The following PRICKLE2 variants were observed in gnomAD, a reference collection of about 807,000 sequenced individuals.
PRICKLE2 encodes prickle-like protein 2.
PRICKLE2 carries 21 observed loss-of-function variants against 81.4 expected under a neutral mutation model. The observed-to-expected ratio is 0.26, with a 90% CI of 0.18 to 0.37. The LOEUF is 0.37. Ranked by LOEUF, PRICKLE2 falls within the 10% of genes least tolerant of loss-of-function variation. The pLI is 1.00. For missense variants in PRICKLE2, 940 were observed against 1,109.0 expected (o/e 0.85, Z 2.16); for synonymous variants, 456 against 421.5 (o/e 1.08, Z -1.00).
chr3:64,171,059 C>T (rs1223073297), intron 2 of PRICKLE2, among the ~76,000 whole-genome samples: 6 of 152,116 alleles, frequency 3.9e-5, no homozygotes, highest in Non-Finnish European at 8.8e-5. Context: ...AGGTCTTGTG[C>T]TCACAATGAC....
chr3:64,216,420 C>A (rs997836435), intron 1 of PRICKLE2, among the ~76,000 whole-genome samples: 6 of 152,204 alleles, frequency 3.9e-5, no homozygotes. Flanking sequence ...TGGTTAAGTG[C>A]AAAAGACCGG....
intron 2 of PRICKLE2, chr3:64,174,846 G>T: frequency 9.4e-6 from 2 of 212,882 alleles, no homozygotes; most frequent in South Asian, 1.8e-4. Context: ...TGGGCCACAT[G>T]AACATCACAC....
intron 6 of PRICKLE2, among the ~76,000 whole-genome samples, chr3:64,151,088 C>T (rs573669125): frequency 4.7e-4 from 71 of 152,288 alleles, no homozygotes; most frequent in African/African-American, 1.6e-3. Context: ...GCAAAAGTAC[C>T]GTTGCCCTAG....
intron 2 of PRICKLE2, among the ~76,000 whole-genome samples, chr3:64,166,161 T>C (rs2077829602): frequency 6.6e-6 from 1 of 152,194 alleles, no homozygotes; most frequent in Admixed American, 6.5e-5. Flanking sequence ...CTTCTCTTCC[T>C]GCAGATCTGC....
At chr3:64,128,805 A>G (rs1575569771) in intron 7 of PRICKLE2, among the ~76,000 whole-genome samples, 1 of 152,144 alleles carries the variant, frequency 6.6e-6, no homozygotes, top group Non-Finnish European at 1.5e-5. Context: ...TTTTAAAAGA[A>G]AAAAAAGTGT....
intron 2 of PRICKLE2, among the ~76,000 whole-genome samples, chr3:64,267,415 G>T (rs1211800883): frequency 2.0e-5 from 3 of 151,016 alleles, no homozygotes; most frequent in Non-Finnish European, 3.0e-5. Flanking sequence ...GGGGATATAA[G>T]CTCAAAATAT....
chr3:64,179,645 C>T (rs576862528), intron 2 of PRICKLE2, among the ~76,000 whole-genome samples: 1 of 152,226 alleles, frequency 6.6e-6, no homozygotes, highest in East Asian at 1.9e-4. Context: ...CTGTTAATGA[C>T]CACGAGAGTG....
At chr3:64,159,553 C>T (rs953885377) in intron 4 of PRICKLE2, among the ~76,000 whole-genome samples, 4 of 152,278 alleles carry the variant, frequency 2.6e-5, no homozygotes, top group South Asian at 2.1e-4. Context: ...GCCTCTAAGC[C>T]GGTCATTCCT....
intron 7 of PRICKLE2, chr3:64,105,590 T>C (rs983808623): frequency 6.6e-6 from 1 of 152,254 alleles, no homozygotes; most frequent in Non-Finnish European, 1.5e-5. Flanking sequence ...TGGTGATTCA[T>C]TATATAGCCC....
rs188471972 is a variant in PRICKLE2, at chr3:64,178,499, C to A, written c.145-15370G>T. On this transcript the variant is annotated intron_variant, in intron 2 of 7. Coordinates refer to ENST00000638394, the MANE Select transcript of PRICKLE2 (RefSeq NM_198859.4). ...TCAGGTTTCATTGGTGAAAGCAAGT[C>A]TCATGGACATGCCTAACTTTAAACG... is the stretch of plus-strand genomic sequence containing the variant. 7.2e-4 allele frequency among the ~76,000 whole-genome samples: 109 copies of A among 152,278 alleles called. 1 individual carries two copies. The highest frequency in any genetic ancestry group is 6.8e-3 in the Middle Eastern group (2 of 294).
At position 64,153,185 on chromosome 3, in the gene PRICKLE2, T is replaced by C. The variant is rs1300964948; in HGVS notation, c.784A>G (p.Ile262Val). 6.2e-7 allele frequency: 1 copy of C among 1,614,024 alleles called. No homozygotes were observed. Among genetic ancestry groups the C allele is most frequent in the African/African-American group, 1.3e-5 (1 of 74,918 alleles). ...AEYCDTCAQH[I>V]GIDQGQMTYD... ...TGACTGCCAAATATTGCCTCACCTA[T>C]ATGTTGGGCACAGGTGTCACAATAT... The change falls in exon 6 of 8, where the codon ATA (isoleucine) becomes GTA (valine). Residue 262 changes from isoleucine to valine, a missense_variant. Transcript: ENST00000638394.
intron 2 of PRICKLE2, among the ~76,000 whole-genome samples, chr3:64,172,922 CT>C (rs1294352371): frequency 6.6e-6 from 1 of 152,196 alleles, no homozygotes; most frequent in African/African-American, 2.4e-5. Context: ...ATCAACCCTG[CT>C]GACATCTTGA....
intron 7 of PRICKLE2, among the ~76,000 whole-genome samples, chr3:64,119,028 T>C (rs980770504): frequency 1.3e-5 from 2 of 152,140 alleles, no homozygotes; most frequent in African/African-American, 2.4e-5. Flanking sequence ...CACCATAGAA[T>C]ACTATGCAGC....
chr3:64,198,951 A>G lies in PRICKLE2; in HGVS notation c.-24T>C. The G allele has an allele frequency of 6.2e-7, 1 of 1,613,990 alleles. No homozygotes were observed. Among genetic ancestry groups the G allele is most frequent in the South Asian group, 1.1e-5 (1 of 91,078 alleles). On this transcript the variant is annotated 5_prime_UTR_variant, in exon 2 of 8. Transcript: ENST00000638394. ...ATGTGCTCCTCCTGGGGACACTTGC[A>G]GTGCAGGCAGATCTTCCTGCAGGCA...
At position 64,224,959 on chromosome 3, in the gene PRICKLE2, C is replaced by G; in HGVS notation, c.-90G>C. The G allele has an allele frequency of 2.0e-6, 2 of 985,342 alleles. No individual in the cohort carries two copies. Among genetic ancestry groups the G allele is most frequent in the South Asian group, 4.7e-5 (1 of 21,270 alleles). The allele number at this position is 985,342 out of a possible 1,614,324, so 61.0% of individuals were successfully genotyped here. ...TCTCGGAGGAAGCTTCTGCCAGACC[C>G]TTGGAGCTTGTCAATTGTCCCAGTT... On this transcript the variant is annotated 5_prime_UTR_variant, in exon 1 of 8. Coordinates refer to ENST00000638394, the MANE Select transcript of PRICKLE2 (RefSeq NM_198859.4).
intron 2 of PRICKLE2, among the ~76,000 whole-genome samples, chr3:64,243,732 A>T (rs2079304097): frequency 6.6e-6 from 1 of 152,218 alleles, no homozygotes; most frequent in Non-Finnish European, 1.5e-5. Context: ...AGTTATGATT[A>T]TTAAGAAAAA....
chr3:64,121,531 T>G (rs2077027583), intron 7 of PRICKLE2, among the ~76,000 whole-genome samples: 1 of 84,818 alleles, frequency 1.2e-5, no homozygotes, highest in East Asian at 7.0e-4. Flanking sequence ...AACTGGAGCC[T>G]AAGGCAAAAG....
rs148117467 is a variant in PRICKLE2, at chr3:64,111,915, A to G, written c.1661-11990T>C. ...TTTCTATTTGTTATACAGCTATATA[A>G]TGTTTATGAGAAATTATAACTGAGA... On this transcript the variant is annotated intron_variant, in intron 7 of 7. Transcript: ENST00000638394. Among the ~76,000 whole-genome samples, 8 of 152,288 alleles carry G rather than the reference A, an allele frequency of 5.3e-5. No individual in the cohort carries two copies. The East Asian group carries it at 1.5e-3, about 29-fold the overall frequency.
At chr3:64,212,606 C>T (rs1465146803) in intron 1 of PRICKLE2, among the ~76,000 whole-genome samples, 2 of 152,148 alleles carry the variant, frequency 1.3e-5, no homozygotes, top group Non-Finnish European at 2.9e-5. Flanking sequence ...AAAATATTCC[C>T]TAAGTACTTA....
Sources: gnomAD v4.1 joint callset for allele counts (sites outside exome capture counted in the v4.1 genomes callset) on GRCh38, gnomAD v4.1.1 for gene constraint, MANE v1.5 for transcripts, NCBI Gene and HGNC (gene_info 2026-07-23, HGNC 2026-07-21) for gene names.